Variants in SPAM1 observed in about 807,000 individuals in gnomAD.
SPAM1 encodes the protein hyaluronidase PH-20.
Under a neutral mutation model 29.6 loss-of-function variants are expected in SPAM1, and 22 were observed. The observed-to-expected ratio is 0.74, with a 90% CI of 0.53 to 1.06. The LOEUF (loss-of-function observed/expected upper bound fraction) is 1.06. Ranked by LOEUF, SPAM1 falls within the 50% of genes least tolerant of loss-of-function variation. SPAM1 has a pLI of 0.00. For synonymous variants in SPAM1, 194 were observed against 204.6 expected (o/e 0.95, Z 0.44); for missense variants, 534 against 604.0 (o/e 0.88, Z 1.21).
downstream of SPAM1, among the ~76,000 whole-genome samples, chr7:123,960,597 T>G (rs928747690): frequency 6.6e-6 from 1 of 151,992 alleles, no homozygotes; most frequent in African/African-American, 2.4e-5. Context: ...TCGACTCTCT[T>G]TTAAAGCGCA....
intron 5 of SPAM1, among the ~76,000 whole-genome samples, chr7:123,966,265 AAAC>A (rs1365583236): frequency 1.3e-5 from 2 of 152,080 alleles, no homozygotes; most frequent in Non-Finnish European, 2.9e-5. Context: ...AAAAGTCAAG[AAAC>A]AACAGATGCT....
chr7:123,927,870 C>A (rs1807940567), intron 1 of SPAM1, among the ~76,000 whole-genome samples: 1 of 151,944 alleles, frequency 6.6e-6, no homozygotes, highest in African/African-American at 2.4e-5. Context: ...AACATAAATG[C>A]AAAGATAAAT....
At position 123,965,280 on chromosome 7, in the gene SPAM1, C is replaced by A. The variant is rs75282558; in HGVS notation, c.1486-4918C>A. 4.1e-3 allele frequency among the ~76,000 whole-genome samples: 631 copies of A among 152,060 alleles called. 9 individuals carry two copies. Among genetic ancestry groups the A allele is most frequent in the African/African-American group, 0.014 (595 of 41,534 alleles). On this transcript the variant is annotated intron_variant, in intron 5 of 6. Transcript: ENST00000340011. ...AGTTCCTATTCCTTTTCACTCCAGG[C>A]TTCAGAATAGCTTCTGACCATGGGT...
chr7:123,962,194 C>T (rs966612365), downstream of SPAM1, among the ~76,000 whole-genome samples: 15 of 151,808 alleles, frequency 9.9e-5, no homozygotes, highest in African/African-American at 3.4e-4. Context: ...TGTTTTTTGT[C>T]TTTTGATAAC....
At chr7:123,945,940 C>A (rs2117046042) in intron 1 of SPAM1, among the ~76,000 whole-genome samples, 1 of 151,996 alleles carries the variant, frequency 6.6e-6, no homozygotes, top group South Asian at 2.1e-4. Flanking sequence ...GAGAGAAAGA[C>A]CAGAACAAAC....
At chr7:123,938,117 A>C (rs1808314223) in intron 1 of SPAM1, among the ~76,000 whole-genome samples, 1 of 146,776 alleles carries the variant, frequency 6.8e-6, no homozygotes, top group South Asian at 2.1e-4. Flanking sequence ...AAAGAGATGG[A>C]GTCTCACTGT....
chr7:123,967,588 G>A (rs1348936610), intron 5 of SPAM1, among the ~76,000 whole-genome samples: 14 of 151,938 alleles, frequency 9.2e-5, no homozygotes, highest in South Asian at 4.2e-4. Flanking sequence ...GTGTATGTGC[G>A]TGTGTGTGTG....
chr7:123,958,460 A>C (rs779047975), intron 4 of SPAM1, among the ~76,000 whole-genome samples: 19 of 152,042 alleles, frequency 1.2e-4, no homozygotes, highest in African/African-American at 1.4e-4. Flanking sequence ...ATTTAATAGA[A>C]AGTATAGTCA....
intron 1 of SPAM1, among the ~76,000 whole-genome samples, chr7:123,946,207 T>G (rs1162557040): frequency 6.6e-6 from 1 of 152,178 alleles, no homozygotes; most frequent in Non-Finnish European, 1.5e-5. Context: ...CAGAAAAACT[T>G]GCCTTCCTTG....
intron 1 of SPAM1, among the ~76,000 whole-genome samples, chr7:123,937,193 A>G (rs1217597132): frequency 6.6e-6 from 1 of 152,184 alleles, no homozygotes; most frequent in Non-Finnish European, 1.5e-5. Flanking sequence ...CACCTATTAC[A>G]GTTACCTTTC....
At chr7:123,968,616 A>T (rs575845051) in intron 5 of SPAM1, among the ~76,000 whole-genome samples, 212 of 152,014 alleles carry the variant, frequency 1.4e-3, no homozygotes, top group African/African-American at 4.9e-3. Flanking sequence ...TTTCAAAGCC[A>T]TGTTATTTCA....
intron 1 of SPAM1, among the ~76,000 whole-genome samples, chr7:123,937,596 CAAA>C (rs5887154): frequency 5.8e-5 from 5 of 85,850 alleles, no homozygotes; most frequent in East Asian, 6.5e-4. Flanking sequence ...GACTCCATCT[CAAA>C]AAAAAAAAAA....
chr7:123,953,002 G>A (rs996028602), intron 2 of SPAM1, among the ~76,000 whole-genome samples: 4 of 152,034 alleles, frequency 2.6e-5, no homozygotes, highest in Non-Finnish European at 4.4e-5. Context: ...CTAGAAAGTG[G>A]TCTTTCAAGA....
At chr7:123,944,492 G>GCA (rs1808514933) in intron 1 of SPAM1, among the ~76,000 whole-genome samples, 3 of 152,080 alleles carry the variant, frequency 2.0e-5, no homozygotes, top group Admixed American at 6.6e-5. Context: ...AAATCTGTTT[G>GCA]TTAGGCCCAG....
chr7:123,965,108 G>T (rs930803561), intron 5 of SPAM1, among the ~76,000 whole-genome samples: 3 of 151,900 alleles, frequency 2.0e-5, no homozygotes, highest in African/African-American at 4.8e-5. Context: ...TAAGTGACTT[G>T]CCCTGGGTCA....
chr7:123,926,829 T>C (rs1328309321), intron 1 of SPAM1, among the ~76,000 whole-genome samples: 1 of 152,178 alleles, frequency 6.6e-6, no homozygotes, highest in African/African-American at 2.4e-5. Context: ...GACCAAGTTT[T>C]ATTGTGCAGA....
At chr7:123,942,668 T>C (rs1467529073) in intron 1 of SPAM1, among the ~76,000 whole-genome samples, 2 of 152,174 alleles carry the variant, frequency 1.3e-5, no homozygotes, top group Non-Finnish European at 2.9e-5. Flanking sequence ...ATTCCTCACC[T>C]CAAGGTCCCA....
At chr7:123,954,666 A>C (rs576790604) in intron 3 of SPAM1, 142 bp downstream of exon 3, 1 of 625,280 alleles carries the variant, frequency 1.6e-6, no homozygotes, top group South Asian at 2.2e-5. Context: ...ACATTATTAT[A>C]TGAATGCAAA....
In SPAM1 at chr7:123,968,615, C is replaced by T. The variant is rs192331346; in HGVS notation, c.1486-1583C>T. 1.2e-4 allele frequency among the ~76,000 whole-genome samples: 18 copies of T among 151,780 alleles called. No homozygotes were observed. The East Asian group carries it at 2.9e-3, about 25-fold the overall frequency. On this transcript the variant is annotated intron_variant, in intron 5 of 6. Coordinates refer to the SPAM1 transcript ENST00000340011. ...TCTTGACAATTTTTTTTTTCAAAGC[C>T]ATGTTATTTCAAAGCTCAAGAAAAA... is the stretch of plus-strand genomic sequence containing the variant.
Sources: allele counts gnomAD v4.1 joint callset (sites outside exome capture counted in the v4.1 genomes callset), GRCh38; gene constraint gnomAD v4.1.1; transcripts MANE v1.5; gene names NCBI Gene and HGNC (gene_info 2026-07-23, HGNC 2026-07-21).